CEP128: variants seen among roughly 807,000 people sequenced by gnomAD.
The protein encoded by CEP128 is centrosomal protein 128kDa.
Under a neutral mutation model 156.7 loss-of-function variants are expected in CEP128, and 132 were observed. That is an observed-to-expected ratio of 0.84 (90% CI 0.73 to 0.97). The LOEUF (loss-of-function observed/expected upper bound fraction) is 0.97. Ranked by LOEUF, CEP128 falls within the 50% of genes least tolerant of loss-of-function variation. The pLI, the probability that CEP128 is intolerant of heterozygous loss-of-function variation, is 0.00. For synonymous variants in CEP128, 469 were observed against 448.9 expected (o/e 1.04, Z -0.57); for missense variants, 1,252 against 1,281.9 (o/e 0.98, Z 0.36).
At chr14:80,551,922 G>T (rs914854933) in intron 21 of CEP128, among the ~76,000 whole-genome samples, 2 of 152,130 alleles carry the variant, frequency 1.3e-5, no homozygotes, top group Non-Finnish European at 2.9e-5. Context: ...AGGCCAGCAG[G>T]CACAAAAATC....
At chr14:80,592,629 A>T (rs1477444945) in intron 19 of CEP128, among the ~76,000 whole-genome samples, 2 of 152,194 alleles carry the variant, frequency 1.3e-5, no homozygotes, top group African/African-American at 2.4e-5. Flanking sequence ...AAAAGAGGGA[A>T]TCCTCCGTAA....
intron 2 of CEP128, among the ~76,000 whole-genome samples, chr14:80,949,366 G>C (rs923821651): frequency 6.6e-6 from 1 of 152,148 alleles, no homozygotes; most frequent in African/African-American, 2.4e-5. Flanking sequence ...GGGAGGTAGA[G>C]AGCTACGTAG....
intron 18 of CEP128, among the ~76,000 whole-genome samples, chr14:80,744,119 C>T (rs1898976748): frequency 6.6e-6 from 1 of 152,036 alleles, no homozygotes; most frequent in Non-Finnish European, 1.5e-5. Context: ...AAGAAATCCA[C>T]CTGTCTCAGC....
At chr14:80,718,643 G>A (rs1285421579) in intron 19 of CEP128, among the ~76,000 whole-genome samples, 1 of 152,154 alleles carries the variant, frequency 6.6e-6, no homozygotes, top group Non-Finnish European at 1.5e-5. Flanking sequence ...GTGATACTGA[G>A]TATTTTTTAA....
At chr14:80,534,485 G>A (rs912698487) in intron 21 of CEP128, among the ~76,000 whole-genome samples, 5 of 152,090 alleles carry the variant, frequency 3.3e-5, no homozygotes, top group African/African-American at 1.2e-4. Context: ...ATTTTTTTCT[G>A]CCTTACATTA....
intron 23 of CEP128, among the ~76,000 whole-genome samples, chr14:80,517,833 A>C (rs1338548998): frequency 6.6e-6 from 1 of 152,038 alleles, no homozygotes; most frequent in African/African-American, 2.4e-5. Flanking sequence ...GATTAGGATG[A>C]ATCTGGGCAC....
Position 80,785,051 on chromosome 14 carries a change from CTG to C in CEP128, c.2053_2054del (p.Gln685ValfsTer38). 6.2e-7 allele frequency: 1 copy of C among 1,614,180 alleles called. No individual in the cohort carries two copies. Among genetic ancestry groups the C allele is most frequent in the Non-Finnish European group, 8.5e-7 (1 of 1,180,010 alleles). On this transcript the variant is annotated frameshift_variant, in exon 15 of 25. Transcript: ENST00000555265. LOFTEE classifies it high-confidence loss of function. The part of the protein sequence containing the change: ...RDEETATIIT[Q>X]LKLERDVHQR... ...GGTGCACATCTCGTTCCAGCTTTAACTGTGTGATGATTGTAGCTGTTTCTTCA... is the reference window on the plus strand; with the variant it reads ...GGTGCACATCTCGTTCCAGCTTTAACTGTGATGATTGTAGCTGTTTCTTCA...
At chr14:80,770,022 C>A (rs865813214) in intron 16 of CEP128, among the ~76,000 whole-genome samples, 33 of 152,172 alleles carry the variant, frequency 2.2e-4, no homozygotes, top group African/African-American at 7.7e-4. Context: ...CTACAGGGAT[C>A]ACTCACAACT....
chr14:80,616,592 G>A (rs898260437), intron 19 of CEP128, among the ~76,000 whole-genome samples: 1 of 152,164 alleles, frequency 6.6e-6, no homozygotes, highest in Non-Finnish European at 1.5e-5. Flanking sequence ...GATGAAGGAT[G>A]TTAACAAGAT....
At chr14:80,656,471 T>A (rs981061094) in intron 19 of CEP128, among the ~76,000 whole-genome samples, 1 of 150,684 alleles carries the variant, frequency 6.6e-6, no homozygotes. Flanking sequence ...CAGCATAGAA[T>A]ATGAGAGCCG....
intron 19 of CEP128, among the ~76,000 whole-genome samples, chr14:80,621,858 G>A (rs1191715894): frequency 1.3e-5 from 2 of 152,078 alleles, no homozygotes; most frequent in Admixed American, 6.5e-5. Flanking sequence ...ATACCTTACC[G>A]TATGTTGTTT....
At position 80,784,076 on chromosome 14, in the gene CEP128, A is replaced by G. The variant is rs147224276; in HGVS notation, c.2211+819T>C. Among the ~76,000 whole-genome samples, 35 of 152,296 alleles carry G rather than the reference A, an allele frequency of 2.3e-4. No homozygotes were observed. In the East Asian group the frequency reaches 4.8e-3, roughly 21 times the overall value. On this transcript the variant is annotated intron_variant, in intron 15 of 24. Coordinates refer to ENST00000555265, the MANE Select transcript of CEP128 (RefSeq NM_152446.5). ...ATTTCAAAGGCTTTTGAAAAACATT[A>G]TAATAATTAACCTTCAAAGATTTAT...
intron 14 of CEP128, among the ~76,000 whole-genome samples, chr14:80,484,258 G>C (rs891435754): frequency 6.6e-6 from 1 of 152,182 alleles, no homozygotes; most frequent in Admixed American, 6.5e-5. Context: ...AATTATAGGC[G>C]TGAGCCACCG....
At chr14:80,644,613 T>C (rs191541132) in intron 19 of CEP128, among the ~76,000 whole-genome samples, 1 of 152,350 alleles carries the variant, frequency 6.6e-6, no homozygotes, top group East Asian at 1.9e-4. Flanking sequence ...AAGTGATTAG[T>C]AATAACCATC....
chr14:80,913,730 G>C (rs1393434937), intron 4 of CEP128, among the ~76,000 whole-genome samples: 2 of 151,916 alleles, frequency 1.3e-5, no homozygotes, highest in East Asian at 3.9e-4. Flanking sequence ...GGGACGCAAA[G>C]GTATACAGAG....
At chr14:80,726,337 C>A (rs764775077) in intron 19 of CEP128, among the ~76,000 whole-genome samples, 2 of 152,120 alleles carry the variant, frequency 1.3e-5, no homozygotes, top group African/African-American at 2.4e-5. Flanking sequence ...AAGGCAAGAT[C>A]CCTTAAGTGG....
intron 14 of CEP128, among the ~76,000 whole-genome samples, chr14:80,788,677 A>T (rs1901547919): frequency 1.3e-5 from 2 of 152,112 alleles, no homozygotes; most frequent in Admixed American, 6.6e-5. Context: ...ACCACATAGC[A>T]AGGTTTACCA....
At chr14:80,540,197 ACC>A (rs35857257) in intron 21 of CEP128, among the ~76,000 whole-genome samples, 7 of 124,270 alleles carry the variant, frequency 5.6e-5, no homozygotes, top group East Asian at 2.6e-4. Flanking sequence ...CTGTTCTTAC[ACC>A]CCCCCCCCTT....
intron 2 of CEP128, among the ~76,000 whole-genome samples, chr14:80,920,726 C>A (rs1422346044): frequency 6.6e-6 from 1 of 152,054 alleles, no homozygotes; most frequent in Admixed American, 6.6e-5. Context: ...ATAATTTAAA[C>A]AATAAGACGC....
Sources: gnomAD v4.1 joint callset for allele counts (sites outside exome capture counted in the v4.1 genomes callset) on GRCh38, gnomAD v4.1.1 for gene constraint, MANE v1.5 for transcripts, NCBI Gene and HGNC (gene_info 2026-07-23, HGNC 2026-07-21) for gene names.